MASTL: variants seen among roughly 807,000 people sequenced by gnomAD.
MASTL encodes the protein microtubule associated serine/threonine kinase like.
A neutral mutation model predicts 82.5 loss-of-function variants in MASTL; 54 were observed. The observed-to-expected ratio is 0.65, with a 90% confidence interval of 0.53 to 0.82. The LOEUF is 0.82. Ranked by LOEUF, MASTL falls within the 40% of genes least tolerant of loss-of-function variation. The pLI, the probability that MASTL is intolerant of heterozygous loss-of-function variation, is 0.00. For synonymous variants in MASTL, 323 were observed against 368.9 expected, an observed-to-expected ratio of 0.88 and a Z score of 1.43; for missense variants, 950 against 1,047.8, an observed-to-expected ratio of 0.91 and a Z score of 1.29.
chr10:27,175,077 TC>T (rs2058061735), intron 9 of MASTL, among the ~76,000 whole-genome samples: 1 of 152,048 alleles, frequency 6.6e-6, no homozygotes, highest in African/African-American at 2.4e-5. Context: ...CACCCTTGTC[TC>T]CCCAACATTG....
At chr10:27,165,612 G>A in intron 6 of MASTL, 73 bp downstream of exon 6, 2 of 1,516,324 alleles carry the variant, frequency 1.3e-6, no homozygotes, top group Non-Finnish European at 1.8e-6. Flanking sequence ...GGAGGCTGAG[G>A]CAGGATTTCT....
chr10:27,164,339 A>C (rs1422127604), intron 4 of MASTL, among the ~76,000 whole-genome samples: 2 of 152,110 alleles, frequency 1.3e-5, no homozygotes, highest in Non-Finnish European at 1.5e-5. Flanking sequence ...AGGTCTCACT[A>C]TGTTGCCCAA....
intron 8 of MASTL, among the ~76,000 whole-genome samples, chr10:27,172,816 A>G (rs2057992141): frequency 6.6e-6 from 1 of 152,176 alleles, no homozygotes; most frequent in Admixed American, 6.5e-5. Context: ...AGTCCATGCT[A>G]TCAGTCTTCT....
chr10:27,179,166 C>G (rs746618405), intron 9 of MASTL, among the ~76,000 whole-genome samples: 27 of 152,138 alleles, frequency 1.8e-4, no homozygotes, highest in Admixed American at 9.2e-4. Context: ...CATTTTTGAA[C>G]TAAAATTAAC....
chr10:27,170,920 C>A lies in MASTL; in HGVS notation c.1961C>A (p.Ala654Asp). Residue 654 changes from alanine (A) to aspartate (D), a missense_variant, in exon 8 of 12, where the codon GCT becomes GAT. Ala to Asp is a moderately radical substitution (Grantham distance 126, BLOSUM62 -2). Coordinates refer to ENST00000375940, the MANE Select transcript of MASTL (RefSeq NM_001172303.3). ...KTLASKRNAV[A>D]FRSFNSHINA... Reference sequence around the variant, plus strand: ...TTAGCCTCTAAAAGAAATGCTGTTGCTTTTCGAAGTTTTAACAGTCATATT... The same window carrying A: ...TTAGCCTCTAAAAGAAATGCTGTTGATTTTCGAAGTTTTAACAGTCATATT... 1 of 1,614,128 alleles carries A rather than the reference C, an allele frequency of 6.2e-7. No individual in the cohort carries two copies. Among genetic ancestry groups the A allele is most frequent in the Non-Finnish European group, 8.5e-7 (1 of 1,180,018 alleles).
Position 27,167,230 on chromosome 10 carries a change from G to A in MASTL, c.940G>A (p.Glu314Lys), listed in dbSNP as rs759534810. The A allele has an allele frequency of 1.7e-5, 27 of 1,614,002 alleles. No homozygotes were observed. The East Asian group carries it at 5.3e-4, about 32-fold the overall frequency. The change falls in exon 7 of 12, where the codon GAA becomes AAA. Residue 314 changes from glutamate (E) to lysine (K), a missense_variant. Transcript: ENST00000375940. ...SQSHTFISSV[E>K]SECHSSPKWE... The stretch of plus-strand genomic sequence containing the variant: ...ATCCCACACCTTCATATCCAGTGTG[G>A]AATCAGAATGCCACAGCAGTCCCAA...
upstream of MASTL, chr10:27,155,167 T>C: frequency 1.9e-6 from 1 of 531,644 alleles, no homozygotes; most frequent in Non-Finnish European, 3.4e-6. Flanking sequence ...CAGAACTGTT[T>C]GTGCCTCCTC....
intron 11 of MASTL, among the ~76,000 whole-genome samples, chr10:27,182,806 C>G (rs550923773): frequency 1.4e-5 from 2 of 147,874 alleles, no homozygotes; most frequent in South Asian, 2.1e-4. Flanking sequence ...TTTTAACATA[C>G]GTTATTATTG....
At chr10:27,164,819 G>T (rs965340013) in intron 4 of MASTL, among the ~76,000 whole-genome samples, 2 of 151,688 alleles carry the variant, frequency 1.3e-5, no homozygotes, top group Non-Finnish European at 2.9e-5. Flanking sequence ...TGTATTTTTA[G>T]TAGAGACAGT....
chr10:27,173,205 A>G lies in MASTL; in HGVS notation c.2212A>G (p.Ile738Val), dbSNP rs1390063478. 6.2e-7 allele frequency: 1 copy of G among 1,614,220 alleles called. No homozygotes were observed. Among genetic ancestry groups the G allele is most frequent in the South Asian group, 1.1e-5 (1 of 91,088 alleles). ...GGTGGCCCCCGTTGATGATGGGCGA[A>G]TTCTAGGAACCCCAGACTACCTTGC... ...RGVAPVDDGR[I>V]LGTPDYLAPE... The change falls in exon 9 of 12, where the codon ATT becomes GTT. Residue 738 changes from isoleucine (I) to valine (V), a missense_variant. Coordinates refer to ENST00000375940, the MANE Select transcript of MASTL (RefSeq NM_001172303.3).
chr10:27,178,315 G>A (rs532980850), intron 9 of MASTL, among the ~76,000 whole-genome samples: 1 of 150,082 alleles, frequency 6.7e-6, no homozygotes, highest in South Asian at 2.1e-4. Context: ...AGAATCACTT[G>A]TACCCAGGTG....
At chr10:27,179,998 C>G (rs1440870126) in intron 9 of MASTL, among the ~76,000 whole-genome samples, 3 of 152,098 alleles carry the variant, frequency 2.0e-5, no homozygotes, top group Non-Finnish European at 4.4e-5. Context: ...CTTTAACCAG[C>G]TGTGGTAATT....
chr10:27,169,401 T>TA (rs1393167993), intron 7 of MASTL, among the ~76,000 whole-genome samples: 2 of 151,292 alleles, frequency 1.3e-5, no homozygotes, highest in Admixed American at 6.6e-5. Context: ...CATCTCCACT[T>TA]AAAAAAAATT....
At chr10:27,182,993 G>A (rs1437841415) in intron 11 of MASTL, among the ~76,000 whole-genome samples, 2 of 151,984 alleles carry the variant, frequency 1.3e-5, no homozygotes, top group Non-Finnish European at 2.9e-5. Flanking sequence ...GCCTGATAAA[G>A]TTAAGGAAAT....
At chr10:27,179,666 T>C (rs1218329382) in intron 9 of MASTL, among the ~76,000 whole-genome samples, 1 of 152,236 alleles carries the variant, frequency 6.6e-6, no homozygotes, top group Non-Finnish European at 1.5e-5. Flanking sequence ...CCTACTTACC[T>C]CTTGAAACCA....
intron 1 of MASTL, among the ~76,000 whole-genome samples, chr10:27,157,437 AT>A (rs2057429072): frequency 6.6e-6 from 1 of 152,220 alleles, no homozygotes; most frequent in Non-Finnish European, 1.5e-5. Context: ...AGGAAAAATC[AT>A]GTTACCAGCT....
intron 7 of MASTL, among the ~76,000 whole-genome samples, chr10:27,168,583 A>C (rs2057812934): frequency 1.3e-5 from 2 of 152,082 alleles, no homozygotes; most frequent in South Asian, 4.1e-4. Context: ...TTGAGAGGCT[A>C]AAGTGGGTAG....
chr10:27,164,765 G>A (rs2136014075), intron 4 of MASTL, among the ~76,000 whole-genome samples: 1 of 152,038 alleles, frequency 6.6e-6, no homozygotes, highest in Middle Eastern at 3.4e-3. Flanking sequence ...AGCCTCCCGA[G>A]TACCTGAGAT....
At position 27,158,618 on chromosome 10, in the gene MASTL, G is replaced by A. The variant is rs1326104056; in HGVS notation, c.256G>A (p.Ala86Thr). The A allele has an allele frequency of 1.2e-6, 2 of 1,613,404 alleles. No individual in the cohort carries two copies. The highest frequency in any genetic ancestry group is 2.2e-5 in the East Asian group (1 of 44,878). Reference protein sequence around the residue: ...HQVQAERDALALSKSPFIVHL... With the variant: ...HQVQAERDALTLSKSPFIVHL... ...GGTCCAAGCTGAGAGAGATGCACTGGCACTAAGCAAAAGCCCATTCATTGT... is the reference window on the plus strand; with the variant it reads ...GGTCCAAGCTGAGAGAGATGCACTGACACTAAGCAAAAGCCCATTCATTGT... Residue 86 changes from alanine to threonine, a missense_variant, in exon 2 of 12, where the codon GCA (alanine) becomes ACA (threonine). Coordinates refer to ENST00000375940, the MANE Select transcript of MASTL (RefSeq NM_001172303.3).
Sources: allele counts gnomAD v4.1 joint callset (sites outside exome capture counted in the v4.1 genomes callset), GRCh38; gene constraint gnomAD v4.1.1; transcripts MANE v1.5; gene names NCBI Gene and HGNC (gene_info 2026-07-23, HGNC 2026-07-21).